Variants in GDAP1 observed in about 807,000 individuals in gnomAD.
GDAP1 encodes ganglioside-induced differentiation-associated protein 1.
A neutral mutation model predicts 40.1 loss-of-function variants in GDAP1; 34 were observed. The observed-to-expected ratio is 0.85, with a 90% CI of 0.64 to 1.13. GDAP1 has a LOEUF of 1.13. Ranked by LOEUF, GDAP1 falls within the 50% of genes most tolerant of loss-of-function variation. The pLI, the probability that GDAP1 is intolerant of heterozygous loss-of-function variation, is 0.00. For missense variants in GDAP1, 374 were observed against 433.7 expected, an observed-to-expected ratio of 0.86 and a Z score of 1.22; for synonymous variants, 170 against 157.4, an observed-to-expected ratio of 1.08 and a Z score of -0.60.
intron 2 of GDAP1, among the ~76,000 whole-genome samples, chr8:74,406,162 A>G (rs1182788855): frequency 6.7e-6 from 1 of 150,234 alleles, no homozygotes; most frequent in African/African-American, 2.5e-5. Context: ...CTTAGTTTAA[A>G]TCCTGTTTTT....
downstream of GDAP1, among the ~76,000 whole-genome samples, chr8:74,370,338 A>G (rs1809726419): frequency 6.6e-6 from 1 of 152,234 alleles, no homozygotes; most frequent in Non-Finnish European, 1.5e-5. Context: ...ATGGAATTAC[A>G]CTATTGTAAA....
At position 74,422,338 on chromosome 8, in the gene GDAP1, TTTCTTTCTTTCTTCCCTTCC is replaced by T. The variant is rs1385023448; in HGVS notation, c.166-66336_166-66317del. On this transcript the variant is annotated intron_variant, in intron 2 of 2. Coordinates refer to the GDAP1 transcript ENST00000523640. Reference sequence around the variant, plus strand: ...CTTTCTTTCTTTCTTTCTTTCTTTCTTTCTTTCTTTCTTCCCTTCCTTCCTTCCTTCCTTCCTTCCTTCCT... The same window carrying T: ...CTTTCTTTCTTTCTTTCTTTCTTTCTTTCCTTCCTTCCTTCCTTCCTTCCT... Among the ~76,000 whole-genome samples the T allele has an allele frequency of 6.4e-3, 374 of 58,756 alleles. 2 individuals are homozygous for T. Among genetic ancestry groups the T allele is most frequent in the African/African-American group, 0.011 (129 of 11,728 alleles). The allele number at this position is 58,756 out of a possible 152,430, so 38.5% of individuals were successfully genotyped here.
At chr8:74,420,805 C>T (rs1203459902) in intron 2 of GDAP1, among the ~76,000 whole-genome samples, 2 of 142,054 alleles carry the variant, frequency 1.4e-5, no homozygotes, top group African/African-American at 2.5e-5. Flanking sequence ...TATACTGATT[C>T]CTGTATTTTT....
intron 2 of GDAP1, among the ~76,000 whole-genome samples, chr8:74,427,107 T>C (rs542461808): frequency 6.6e-6 from 1 of 152,306 alleles, no homozygotes; most frequent in African/African-American, 2.4e-5. Context: ...GAAAAATGCT[T>C]GTACAAAAGG....
chr8:74,418,646 G>A (rs1350820058), intron 2 of GDAP1, among the ~76,000 whole-genome samples: 1 of 152,128 alleles, frequency 6.6e-6, no homozygotes, highest in Non-Finnish European at 1.5e-5. Context: ...TAAAAGCATG[G>A]TGCATAAAAG....
intron 2 of GDAP1, among the ~76,000 whole-genome samples, chr8:74,356,517 C>T (rs1809097103): frequency 6.6e-6 from 1 of 151,742 alleles, no homozygotes; most frequent in South Asian, 2.1e-4. Context: ...TAATTTGACA[C>T]CGGGTCTTTT....
In GDAP1 at chr8:74,351,289, G is replaced by A; in HGVS notation, c.133G>A (p.Ala45Thr). The A allele has an allele frequency of 6.2e-7, 1 of 1,614,038 alleles. No homozygotes were observed. Among genetic ancestry groups the A allele is most frequent in the Non-Finnish European group, 8.5e-7 (1 of 1,179,870 alleles). ...FSSQKVRLVI[A>T]EKALKCEEHD... ...ACTCTTCCAGGTGCGCTTGGTAATT[G>A]CTGAAAAGGCATTGAAGTGCGAGGA... is the stretch of plus-strand genomic sequence containing the variant. The change falls in exon 2 of 6, where the codon GCT (alanine) becomes ACT (threonine). Residue 45 changes from alanine to threonine, a missense_variant. Physicochemically the swap from Ala to Thr is moderately conservative, Grantham distance 58. Coordinates refer to ENST00000220822, the MANE Select transcript of GDAP1 (RefSeq NM_018972.4).
intron 2 of GDAP1, among the ~76,000 whole-genome samples, chr8:74,409,598 C>T (rs1329314669): frequency 6.7e-6 from 1 of 150,108 alleles, no homozygotes; most frequent in Non-Finnish European, 1.5e-5. Flanking sequence ...AATGATCCAC[C>T]TGCTTCAGCC....
intron 2 of GDAP1, among the ~76,000 whole-genome samples, chr8:74,469,512 C>CA (rs1806517303): frequency 6.7e-6 from 1 of 149,868 alleles, no homozygotes; most frequent in Non-Finnish European, 1.5e-5. Flanking sequence ...ACTAAAAATA[C>CA]AAAAAATTAG....
At chr8:74,434,715 C>G (rs1006158173) in intron 2 of GDAP1, among the ~76,000 whole-genome samples, 3 of 152,178 alleles carry the variant, frequency 2.0e-5, no homozygotes, top group Non-Finnish European at 2.9e-5. Context: ...ACAAATTGCT[C>G]TTTTTATCCC....
Position 74,439,034 on chromosome 8 carries a change from A to ATG in GDAP1, c.166-49643_166-49642insGT, listed in dbSNP as rs1169078229. The stretch of plus-strand genomic sequence containing the variant: ...CGTGTGTGTATGTGTATGTGTATAT[A>ATG]TATGTGTGTGTGTGTGTGTGTGTAT... On this transcript the variant is annotated intron_variant, in intron 2 of 2. Coordinates refer to the GDAP1 transcript ENST00000523640. Among the ~76,000 whole-genome samples, 241 of 125,928 alleles carry ATG rather than the reference A, an allele frequency of 1.9e-3. 3 individuals carry two copies. The highest frequency in any genetic ancestry group is 6.9e-3 in the African/African-American group (232 of 33,724). 82.6% of individuals were successfully genotyped at this position (125,928 alleles called of 152,430 possible).
At position 74,360,071 on chromosome 8, in the gene GDAP1, T is replaced by A. The variant is rs1473124230; in HGVS notation, c.311-66T>A. 6 of 1,157,592 alleles carry A rather than the reference T, an allele frequency of 5.2e-6. No homozygotes were observed. In the African/African-American group the frequency reaches 9.1e-5, roughly 17 times the overall value. The allele number at this position is 1,157,592 out of a possible 1,614,324, so 71.7% of individuals were successfully genotyped here. On this transcript the variant is annotated intron_variant, in intron 2 of 5. Transcript: ENST00000220822. ...TAATGATGAGTGGATAGTGTTTTTG[T>A]TTTGCTTTTGAGTGTAACAACTCAT...
At chr8:74,374,225 T>G (rs1809808949) in intron 2 of GDAP1, among the ~76,000 whole-genome samples, 1 of 152,170 alleles carries the variant, frequency 6.6e-6, no homozygotes, top group African/African-American at 2.4e-5. Flanking sequence ...TCTCTTTTTT[T>G]GTTGTGTCTC....
intron 2 of GDAP1, among the ~76,000 whole-genome samples, chr8:74,449,640 T>C (rs1421269004): frequency 6.6e-6 from 1 of 151,824 alleles, no homozygotes; most frequent in Non-Finnish European, 1.5e-5. Context: ...TATGGCACAG[T>C]ATTGGTAAGT....
intron 5 of GDAP1, 52 bp downstream of exon 5, chr8:74,363,105 G>C: frequency 1.1e-6 from 1 of 872,652 alleles, no homozygotes; most frequent in Non-Finnish European, 2.0e-6. Flanking sequence ...TATTATTCAT[G>C]GGAACATTCT....
At chr8:74,442,103 G>A (rs1806169138) in intron 2 of GDAP1, among the ~76,000 whole-genome samples, 1 of 152,196 alleles carries the variant, frequency 6.6e-6, no homozygotes, top group African/African-American at 2.4e-5. Context: ...TAAGTTAAAT[G>A]CGTGTTTTCA....
At chr8:74,394,843 C>T (rs910641075) in intron 2 of GDAP1, among the ~76,000 whole-genome samples, 2 of 152,090 alleles carry the variant, frequency 1.3e-5, no homozygotes, top group Non-Finnish European at 2.9e-5. Context: ...AGACTCATAC[C>T]TGGAGAGGGC....
In GDAP1 at chr8:74,360,933, A is replaced by G. The variant is rs376023194; in HGVS notation, c.484+623A>G. 5.3e-5 allele frequency among the ~76,000 whole-genome samples: 8 copies of G among 152,350 alleles called. No homozygotes were observed. The South Asian group carries it at 8.3e-4, about 16-fold the overall frequency. On this transcript the variant is annotated intron_variant, in intron 3 of 5. Coordinates refer to ENST00000220822, the MANE Select transcript of GDAP1 (RefSeq NM_018972.4). ...TGGTCACACTTTGGGAATGTTGATC[A>G]GAAACACTCAAACTCAGATCTTCTA...
intron 2 of GDAP1, among the ~76,000 whole-genome samples, chr8:74,436,999 G>A (rs926409606): frequency 3.3e-5 from 5 of 152,124 alleles, no homozygotes; most frequent in African/African-American, 1.2e-4. Flanking sequence ...CTATTCACCA[G>A]TTCAAAATAC....
Sources: gnomAD v4.1 joint callset for allele counts (sites outside exome capture counted in the v4.1 genomes callset) on GRCh38, gnomAD v4.1.1 for gene constraint, MANE v1.5 for transcripts, NCBI Gene and HGNC (gene_info 2026-07-23, HGNC 2026-07-21) for gene names.